The following IMMP2L variants were observed in gnomAD, a reference collection of about 807,000 sequenced individuals.
The protein encoded by IMMP2L is inner mitochondrial membrane peptidase subunit 2.
IMMP2L carries 18 observed loss-of-function variants against 19.3 expected under a neutral mutation model. That is an observed-to-expected ratio of 0.93 (90% CI 0.64 to 1.38). IMMP2L has a LOEUF of 1.38. Among genes scored for constraint, IMMP2L ranks in the 40% most tolerant of loss-of-function variants. IMMP2L has a pLI of 0.00. For missense variants in IMMP2L, 233 were observed against 218.2 expected (o/e 1.07, Z -0.43); for synonymous variants, 76 against 73.0 (o/e 1.04, Z -0.21).
intron 4 of IMMP2L, among the ~76,000 whole-genome samples, chr7:110,958,141 T>C (rs765553646): frequency 6.6e-6 from 1 of 152,002 alleles, no homozygotes; most frequent in South Asian, 2.1e-4. Context: ...AAATCTAAAG[T>C]CCAAAATTTC....
intron 5 of IMMP2L, among the ~76,000 whole-genome samples, chr7:110,801,701 G>A (rs1801256464): frequency 6.6e-6 from 1 of 152,218 alleles, no homozygotes; most frequent in Non-Finnish European, 1.5e-5. Context: ...GTCATTCACA[G>A]AGAGAGTCCT....
intron 3 of IMMP2L, among the ~76,000 whole-genome samples, chr7:111,354,629 A>G (rs1386320089): frequency 1.3e-5 from 2 of 151,790 alleles, no homozygotes; most frequent in Non-Finnish European, 2.9e-5. Context: ...TAATATGACT[A>G]CCTAGAAACA....
intron 3 of IMMP2L, among the ~76,000 whole-genome samples, chr7:111,097,918 C>T (rs214889): frequency 0.013 from 2,038 of 151,798 alleles, 40 homozygotes; most frequent in African/African-American, 0.047. Context: ...GGTTAATGAC[C>T]TTAAACTGCA....
chr7:111,510,200 G>A (rs538133089), intron 2 of IMMP2L, among the ~76,000 whole-genome samples: 1 of 152,244 alleles, frequency 6.6e-6, no homozygotes, highest in South Asian at 2.1e-4. Context: ...GTGTTATACA[G>A]TCAGAATAGG....
At chr7:111,266,171 A>G (rs908267722) in intron 3 of IMMP2L, among the ~76,000 whole-genome samples, 3 of 152,198 alleles carry the variant, frequency 2.0e-5, no homozygotes, top group African/African-American at 4.8e-5. Context: ...CTCTACAAAC[A>G]TAAGTAATAA....
At chr7:110,920,329 G>T (rs183913104) in intron 4 of IMMP2L, among the ~76,000 whole-genome samples, 1 of 152,284 alleles carries the variant, frequency 6.6e-6, no homozygotes, top group Admixed American at 6.5e-5. Flanking sequence ...ATGCACCCTA[G>T]GTAGGGACAC....
At chr7:111,326,487 C>A (rs1306477244) in intron 3 of IMMP2L, among the ~76,000 whole-genome samples, 1 of 151,756 alleles carries the variant, frequency 6.6e-6, no homozygotes, top group Non-Finnish European at 1.5e-5. Context: ...CAATTCCATT[C>A]AGAAATCTTC....
intron 5 of IMMP2L, among the ~76,000 whole-genome samples, chr7:110,749,819 CA>C (rs1797612102): frequency 6.6e-6 from 1 of 152,076 alleles, no homozygotes; most frequent in Non-Finnish European, 1.5e-5. Flanking sequence ...ATGGGTGCAG[CA>C]AACCACCCTG....
chr7:111,217,673 C>T (rs28688959), intron 3 of IMMP2L, among the ~76,000 whole-genome samples: 15,595 of 151,990 alleles, frequency 0.1, 1,021 homozygotes, highest in African/African-American at 0.18. Flanking sequence ...AATAACAAAA[C>T]TAGTATATTT....
chr7:111,019,963 A>C (rs955203815), intron 3 of IMMP2L, among the ~76,000 whole-genome samples: 7 of 152,120 alleles, frequency 4.6e-5, no homozygotes, highest in Non-Finnish European at 8.8e-5. Context: ...GGATCACCAG[A>C]AGGATACTTT....
At chr7:110,678,593 G>T (rs1740449801) in intron 5 of IMMP2L, among the ~76,000 whole-genome samples, 1 of 152,010 alleles carries the variant, frequency 6.6e-6, no homozygotes, top group Non-Finnish European at 1.5e-5. Flanking sequence ...GATCTGGTGG[G>T]AAAGACAGAT....
At chr7:111,353,471 T>C (rs1828389378) in intron 3 of IMMP2L, among the ~76,000 whole-genome samples, 1 of 152,204 alleles carries the variant, frequency 6.6e-6, no homozygotes, top group Non-Finnish European at 1.5e-5. Context: ...TCTTCAGAGC[T>C]TTATTTTAAA....
chr7:111,538,640 A>C (rs1027764090), intron 1 of IMMP2L, among the ~76,000 whole-genome samples: 2 of 149,686 alleles, frequency 1.3e-5, no homozygotes, highest in African/African-American at 4.9e-5. Flanking sequence ...CTCTAAAAAA[A>C]AAAAAAAAAA....
chr7:110,697,801 T>C (rs1274204326), intron 5 of IMMP2L, among the ~76,000 whole-genome samples: 2 of 151,972 alleles, frequency 1.3e-5, no homozygotes, highest in Non-Finnish European at 2.9e-5. Flanking sequence ...CTCTAAGAAA[T>C]AAAAATAAAA....
intron 1 of IMMP2L, among the ~76,000 whole-genome samples, chr7:111,526,424 T>C (rs1008840790): frequency 6.6e-6 from 1 of 152,212 alleles, no homozygotes; most frequent in Non-Finnish European, 1.5e-5. Context: ...TAATTCTATA[T>C]GCTAGGAATG....
At chr7:111,439,790 C>T (rs1420436247) in intron 3 of IMMP2L, among the ~76,000 whole-genome samples, 2 of 152,012 alleles carry the variant, frequency 1.3e-5, no homozygotes, top group East Asian at 3.9e-4. Context: ...CTGTAGCATG[C>T]ATTGCTGTTT....
chr7:111,222,399 C>T (rs1044627160), intron 3 of IMMP2L, among the ~76,000 whole-genome samples: 6 of 151,386 alleles, frequency 4.0e-5, no homozygotes, highest in African/African-American at 9.7e-5. Flanking sequence ...AAGCCACAGA[C>T]GAGATATTTT....
intron 1 of IMMP2L, among the ~76,000 whole-genome samples, chr7:111,530,155 T>G (rs893845396): frequency 1.3e-5 from 2 of 152,162 alleles, no homozygotes; most frequent in African/African-American, 4.8e-5. Flanking sequence ...TTTATCTCAG[T>G]AAGCAAAATT....
intron 3 of IMMP2L, among the ~76,000 whole-genome samples, chr7:111,176,109 G>A (rs1807032879): frequency 6.6e-6 from 1 of 151,814 alleles, no homozygotes. Context: ...TTATCTGAAA[G>A]ACAGACAATA....
Sources: allele counts gnomAD v4.1 joint callset (sites outside exome capture counted in the v4.1 genomes callset), GRCh38; gene constraint gnomAD v4.1.1; transcripts MANE v1.5; gene names NCBI Gene and HGNC (gene_info 2026-07-23, HGNC 2026-07-21).